The following MPDZ variants were observed in gnomAD, a reference collection of about 807,000 sequenced individuals.
MPDZ encodes the protein multiple PDZ domain crumbs cell polarity complex component.
MPDZ carries 234 observed loss-of-function variants against 239.1 expected under a neutral mutation model. The ratio of observed to expected loss-of-function variants is 0.98; its 90% confidence interval spans 0.88 to 1.09. The LOEUF (loss-of-function observed/expected upper bound fraction) is 1.09. MPDZ is among the 50% of genes least tolerant of loss of function. MPDZ has a pLI of 0.00. For missense variants in MPDZ, 3,175 were observed against 2,510.0 expected, an observed-to-expected ratio of 1.26 and a Z score of -5.66; for synonymous variants, 1,048 against 881.3, an observed-to-expected ratio of 1.19 and a Z score of -3.35.
intron 35 of MPDZ, among the ~76,000 whole-genome samples, chr9:13,123,931 A>G (rs187374718): frequency 8.5e-4 from 130 of 152,314 alleles, no homozygotes; most frequent in Non-Finnish European, 1.5e-3. Context: ...CCTGGTGCAT[A>G]TATGTTCAGA....
rs759737420 is a variant in MPDZ, at chr9:13,122,082, T to C, written c.5037+5A>G. 33 of 1,613,688 alleles carry C rather than the reference T, an allele frequency of 2.0e-5. No homozygotes were observed. Among genetic ancestry groups the C allele is most frequent in the Non-Finnish European group, 2.8e-5 (33 of 1,179,754 alleles). On this transcript the variant is annotated splice_donor_5th_base_variant and intron_variant, in intron 37 of 46. Coordinates refer to ENST00000319217, the MANE Select transcript of MPDZ (RefSeq NM_001378778.1). ...TTTTGAAGGTCAAAAACAGGCATTCTATACCTCTAAGATCTGATCTCCAGC... is the reference window on the plus strand; with the variant it reads ...TTTTGAAGGTCAAAAACAGGCATTCCATACCTCTAAGATCTGATCTCCAGC...
chr9:13,176,749 G>A (rs992422020), intron 19 of MPDZ, among the ~76,000 whole-genome samples: 2 of 152,096 alleles, frequency 1.3e-5, no homozygotes, highest in Non-Finnish European at 2.9e-5. Context: ...TTACATAGAA[G>A]AGCAAGTAGC....
chr9:13,147,474 T>G (rs2132841750), intron 26 of MPDZ, 74 bp downstream of exon 26: 4 of 1,100,726 alleles, frequency 3.6e-6, no homozygotes, highest in Non-Finnish European at 5.6e-6. Flanking sequence ...TACAGACAAC[T>G]TGGCCCTTGA....
intron 1 of MPDZ, among the ~76,000 whole-genome samples, chr9:13,273,986 A>G (rs1256863602): frequency 1.3e-5 from 2 of 152,184 alleles, no homozygotes; most frequent in African/African-American, 2.4e-5. Context: ...AAAGGCAGCA[A>G]TTGGTGAAAT....
Position 13,228,556 on chromosome 9 carries a change from T to C in MPDZ, c.184-3973A>G, listed in dbSNP as rs373797357. Among the ~76,000 whole-genome samples, 6 of 152,252 alleles carry C rather than the reference T, an allele frequency of 3.9e-5. No homozygotes were observed. The East Asian group carries it at 7.7e-4, about 20-fold the overall frequency. ...AAACACATGTATATTCATTTGTATA[T>C]AGGATTTCTTCATACATGCAATTTG... On this transcript the variant is annotated intron_variant, in intron 3 of 46. Transcript: ENST00000319217.
At chr9:13,133,297 A>C (rs1946271373) in intron 32 of MPDZ, among the ~76,000 whole-genome samples, 1 of 152,172 alleles carries the variant, frequency 6.6e-6, no homozygotes, top group Non-Finnish European at 1.5e-5. Context: ...AAAAGACTTT[A>C]ATAACTTCTT....
chr9:13,214,810 G>A (rs1958081083), intron 10 of MPDZ, among the ~76,000 whole-genome samples: 1 of 151,930 alleles, frequency 6.6e-6, no homozygotes, highest in South Asian at 2.1e-4. Context: ...CTCACTTCGG[G>A]CATATAGCCA....
chr9:13,125,306 C>G lies in MPDZ; in HGVS notation c.4717G>C (p.Ala1573Pro). ...ENPDSQAVPS[A>P]AGAASGEKKN... ...TTTTCTCCACTGGCTGCACCAGCTG[C>G]TGAAGGAACAGCCTGGGAATCTGGA... is the stretch of plus-strand genomic sequence containing the variant. Residue 1573 changes from alanine (A) to proline (P), a missense_variant, in exon 35 of 47, where the codon GCA (alanine) becomes CCA (proline). Coordinates refer to ENST00000319217, the MANE Select transcript of MPDZ (RefSeq NM_001378778.1). The G allele has an allele frequency of 6.2e-7, 1 of 1,613,866 alleles. No homozygotes were observed. Among genetic ancestry groups the G allele is most frequent in the Non-Finnish European group, 8.5e-7 (1 of 1,179,758 alleles).
At chr9:13,117,080 A>G (rs898350802) in intron 39 of MPDZ, among the ~76,000 whole-genome samples, 1 of 152,142 alleles carries the variant, frequency 6.6e-6, no homozygotes. Context: ...ATAAGGTTTA[A>G]TTTATAAATT....
At chr9:13,227,334 A>T (rs908963587) in intron 3 of MPDZ, among the ~76,000 whole-genome samples, 10 of 152,144 alleles carry the variant, frequency 6.6e-5, no homozygotes, top group Admixed American at 1.3e-4. Flanking sequence ...AGGCATGATC[A>T]ATTATTATTT....
rs377282420 is a variant in MPDZ at position 13,266,829 on chromosome 9, G to A, written c.-58+12571C>T. On this transcript the variant is annotated intron_variant, in intron 1 of 46. Coordinates refer to ENST00000319217, the MANE Select transcript of MPDZ (RefSeq NM_001378778.1). The stretch of plus-strand genomic sequence containing the variant: ...CTCATTCAGCTACTCAAGGATTTGG[G>A]GGCAGAGAAAGAGAAGGAGGAGGAA... Among the ~76,000 whole-genome samples the A allele has an allele frequency of 3.3e-5, 5 of 152,106 alleles. No individual in the cohort carries two copies. The East Asian group carries it at 5.8e-4, about 18-fold the overall frequency.
intron 1 of MPDZ, among the ~76,000 whole-genome samples, chr9:13,259,830 AGATTT>A: frequency 6.6e-6 from 1 of 152,008 alleles, no homozygotes; most frequent in Middle Eastern, 3.4e-3. Flanking sequence ...TAAAAAGTTT[AGATTT>A]GTTTTTTGTT....
At chr9:13,265,751 A>C (rs1971652613) in intron 1 of MPDZ, among the ~76,000 whole-genome samples, 1 of 151,960 alleles carries the variant, frequency 6.6e-6, no homozygotes. Context: ...ACTTTGTGAG[A>C]TCTCGATGAC....
rs910323477 is a variant in MPDZ, at chr9:13,149,977, G to GA, written c.3630+533dup. ...TATTTTACTAAAAAAGACTCACTTGGAAAAAAAAAACTCATCCAACAAAGT... is the reference window on the plus strand; with the variant it reads ...TATTTTACTAAAAAAGACTCACTTGGAAAAAAAAAAACTCATCCAACAAAGT... On this transcript the variant is annotated intron_variant, in intron 25 of 46. Transcript: ENST00000319217. 4.0e-3 allele frequency among the ~76,000 whole-genome samples: 585 copies of GA among 145,852 alleles called. 3 individuals are homozygous for GA. Among genetic ancestry groups the GA allele is most frequent in the African/African-American group, 0.013 (515 of 39,756 alleles).
chr9:13,202,681 A>C (rs1255945177), intron 12 of MPDZ, among the ~76,000 whole-genome samples: 1 of 152,164 alleles, frequency 6.6e-6, no homozygotes, highest in African/African-American at 2.4e-5. Flanking sequence ...GAGAGAATGA[A>C]TGTCTACCTC....
intron 3 of MPDZ, among the ~76,000 whole-genome samples, chr9:13,225,447 G>C (rs1000867285): frequency 2.6e-5 from 4 of 151,780 alleles, no homozygotes; most frequent in African/African-American, 4.8e-5. Context: ...TGACTATCTA[G>C]TAGTGTACAG....
At chr9:13,238,274 C>G (rs1266354993) in intron 3 of MPDZ, among the ~76,000 whole-genome samples, 1 of 152,092 alleles carries the variant, frequency 6.6e-6, no homozygotes, top group African/African-American at 2.4e-5. Flanking sequence ...GCCATGTGTA[C>G]AGTAAGGAGC....
chr9:13,243,140 A>G (rs1965805718), intron 3 of MPDZ, among the ~76,000 whole-genome samples: 1 of 152,060 alleles, frequency 6.6e-6, no homozygotes, highest in Non-Finnish European at 1.5e-5. Flanking sequence ...CTTCTTTACT[A>G]TTCACCTTCT....
chr9:13,245,666 G>C (rs186722110), intron 3 of MPDZ, among the ~76,000 whole-genome samples: 26 of 152,246 alleles, frequency 1.7e-4, no homozygotes, highest in African/African-American at 5.8e-4. Flanking sequence ...AATTTATGTA[G>C]TCTTAAAATA....
Sources: allele counts gnomAD v4.1 joint callset (sites outside exome capture counted in the v4.1 genomes callset), GRCh38; gene constraint gnomAD v4.1.1; transcripts MANE v1.5; gene names NCBI Gene and HGNC (gene_info 2026-07-23, HGNC 2026-07-21).